Variants in TNFAIP8L1 observed in about 807,000 individuals in gnomAD.
TNFAIP8L1 encodes the protein tumor necrosis factor alpha-induced protein 8-like protein 1.
For missense variants in TNFAIP8L1, 225 were observed against 266.1 expected (o/e 0.85, Z 1.08); for synonymous variants, 127 against 125.6 (o/e 1.01, Z -0.08).
rs531509346 is a variant in TNFAIP8L1 at position 4,643,060 on chromosome 19, CCT to C, written c.-4+3432_-4+3433del. Among the ~76,000 whole-genome samples, 59 of 152,038 alleles carry C rather than the reference CCT, an allele frequency of 3.9e-4. No homozygotes were observed. In the South Asian group the frequency reaches 8.7e-3, roughly 22 times the overall value. On this transcript the variant is annotated intron_variant, in intron 1 of 1. Transcript: ENST00000327473. ...TTGGGAGGCTGAGGCAAGTGGATCA[CCT>C]GAGGTCAGGAGTTGGAGACCAGCCT... is the stretch of plus-strand genomic sequence containing the variant.
Position 4,644,776 on chromosome 19 carries a change from T to C in TNFAIP8L1, c.-4+5147T>C, listed in dbSNP as rs188955723. On this transcript the variant is annotated intron_variant, in intron 1 of 1. Coordinates refer to ENST00000327473, the MANE Select transcript of TNFAIP8L1 (RefSeq NM_152362.3). ...GTGCCACACACGGCTAATTTTTGTA[T>C]TTTTAGTAGAGATGGGGTTTCACCA... Among the ~76,000 whole-genome samples the C allele has an allele frequency of 4.3e-3, 657 of 152,080 alleles. 1 individual carries two copies. Among genetic ancestry groups the C allele is most frequent in the Non-Finnish European group, 7.5e-3 (508 of 67,990 alleles).
rs563191778 is a variant in TNFAIP8L1, at chr19:4,645,968, A to T, written c.-3-5899A>T. 2.7e-4 allele frequency among the ~76,000 whole-genome samples: 41 copies of T among 152,070 alleles called. No homozygotes were observed. The highest frequency in any genetic ancestry group is 2.1e-3 in the Admixed American group (32 of 15,294). ...TGCACAGGCTGTGCCCTTTGCCTGG[A>T]GCATCTTCCCGCAGACCCTGTCATT... is the stretch of plus-strand genomic sequence containing the variant. On this transcript the variant is annotated intron_variant, in intron 1 of 1. Coordinates refer to ENST00000327473, the MANE Select transcript of TNFAIP8L1 (RefSeq NM_152362.3). This position sits in a 1 kb window ranked among gnomAD's most constrained non-coding sequence, Gnocchi z 4.1.
At chr19:4,651,525 C>T (rs1372765970) in intron 1 of TNFAIP8L1, among the ~76,000 whole-genome samples, 1 of 151,806 alleles carries the variant, frequency 6.6e-6, no homozygotes, top group Admixed American at 6.6e-5. Flanking sequence ...CAACCTCCGC[C>T]TCCCGGGCTC....
chr19:4,650,072 T>A (rs1297389825), intron 1 of TNFAIP8L1, among the ~76,000 whole-genome samples: 3 of 152,074 alleles, frequency 2.0e-5, no homozygotes, highest in Non-Finnish European at 2.9e-5. Flanking sequence ...TCTTCCACAC[T>A]CCCCTCTTCA....
intron 1 of TNFAIP8L1, among the ~76,000 whole-genome samples, chr19:4,651,242 A>G (rs1242831855): frequency 6.6e-6 from 1 of 152,020 alleles, no homozygotes; most frequent in Non-Finnish European, 1.5e-5. Flanking sequence ...CAAGGATATG[A>G]TGGGTTTGAG....
rs1365689628 is a variant in TNFAIP8L1, at chr19:4,652,023, A to T, written c.154A>T (p.Ser52Cys). The T allele has an allele frequency of 6.2e-7, 1 of 1,613,934 alleles. No homozygotes were observed. The highest frequency in any genetic ancestry group is 8.5e-7 in the Non-Finnish European group (1 of 1,179,974). ...LYRATREFTRSRKEAQKMLKN... is the reference protein window; with the variant it reads ...LYRATREFTRCRKEAQKMLKN... ...CCGCGCCACCAGGGAGTTCACGCGC[A>T]GCCGCAAGGAGGCCCAGAAGATGCT... The change falls in exon 2 of 2, where the codon AGC (serine) becomes TGC (cysteine). Residue 52 changes from serine to cysteine, a missense_variant. Ser to Cys is a moderately radical substitution (Grantham distance 112). Coordinates refer to ENST00000327473, the MANE Select transcript of TNFAIP8L1 (RefSeq NM_152362.3).
rs527556915 is a variant in TNFAIP8L1, at chr19:4,641,413, G to C, written c.-4+1784G>C. Reference sequence around the variant, plus strand: ...CTCAGGTGTTACAGACGGGGAGCAGGGCAAGGAGGCAGAGCGAGAGGCAGG... The same window carrying C: ...CTCAGGTGTTACAGACGGGGAGCAGCGCAAGGAGGCAGAGCGAGAGGCAGG... On this transcript the variant is annotated intron_variant, in intron 1 of 1. Coordinates refer to ENST00000327473, the MANE Select transcript of TNFAIP8L1 (RefSeq NM_152362.3). This position sits in a 1 kb window ranked among gnomAD's most constrained non-coding sequence, Gnocchi z 4.6. 2 of 152,258 alleles carry C rather than the reference G, an allele frequency of 1.3e-5. No individual in the cohort carries two copies. The highest frequency in any genetic ancestry group is 1.3e-4 in the Admixed American group (2 of 15,266). The allele number at this position is 152,258 out of a possible 1,614,324, so 9.4% of individuals were successfully genotyped here. A position where few individuals can be genotyped will look rare whatever the true frequency, so the allele number is the denominator to read the frequency against.
At chr19:4,644,606 T>A (rs990490296) in intron 1 of TNFAIP8L1, among the ~76,000 whole-genome samples, 8 of 61,448 alleles carry the variant, frequency 1.3e-4, no homozygotes, top group African/African-American at 7.6e-4. Flanking sequence ...GAGTCATGGA[T>A]TTTTTTTTTT....
In TNFAIP8L1 at chr19:4,654,654, A is replaced by C. The variant is rs2088406410; in HGVS notation, c.*2224A>C. 1 of 152,250 alleles carries C rather than the reference A, an allele frequency of 6.6e-6. No homozygotes were observed. The highest frequency in any genetic ancestry group is 1.5e-5 in the Non-Finnish European group (1 of 68,044). 9.4% of individuals were successfully genotyped at this position (152,250 alleles called of 1,614,324 possible). On this transcript the variant is annotated 3_prime_UTR_variant, in exon 2 of 2. Coordinates refer to ENST00000327473, the MANE Select transcript of TNFAIP8L1 (RefSeq NM_152362.3). ...TTCATATTTGGAGAATCAGCAACCAACCAGCCAACCATGTTGCTTTTATAA... is the reference window on the plus strand; with the variant it reads ...TTCATATTTGGAGAATCAGCAACCACCCAGCCAACCATGTTGCTTTTATAA...
chr19:4,652,569 G>A lies in TNFAIP8L1; in HGVS notation c.*139G>A. The A allele has an allele frequency of 1.2e-6, 1 of 833,894 alleles. No homozygotes were observed. Among genetic ancestry groups the A allele is most frequent in the Admixed American group, 3.2e-5 (1 of 31,150 alleles). The allele number at this position is 833,894 out of a possible 1,614,324, so 51.7% of individuals were successfully genotyped here. On this transcript the variant is annotated 3_prime_UTR_variant, in exon 2 of 2. Coordinates refer to ENST00000327473, the MANE Select transcript of TNFAIP8L1 (RefSeq NM_152362.3). ...ACTCCCCTAGACAGATGGGTGACCT[G>A]TCTCCTTTGAGAGGATGCTGAGGCA...
In TNFAIP8L1 at chr19:4,652,234, A is replaced by G. The variant is rs1362913447; in HGVS notation, c.365A>G (p.Glu122Gly). The change falls in exon 2 of 2, where the codon GAG becomes GGG. Residue 122 changes from glutamate (E) to glycine (G), a missense_variant. Glu to Gly is a moderately conservative substitution (Grantham distance 98). Transcript: ENST00000327473. ...DRRVLAAGLL[E>G]CRDLLHQAVG... ...CGCGTGCTGGCCGCCGGGCTGCTCG[A>G]GTGCCGCGACCTGCTGCACCAGGCC... The G allele has an allele frequency of 1.3e-6, 2 of 1,549,322 alleles. No homozygotes were observed. The highest frequency in any genetic ancestry group is 1.4e-5 in the African/African-American group (1 of 73,172).
At chr19:4,647,417 T>C (rs1050291465) in intron 1 of TNFAIP8L1, among the ~76,000 whole-genome samples, 2 of 152,050 alleles carry the variant, frequency 1.3e-5, no homozygotes, top group African/African-American at 4.8e-5. Flanking sequence ...CAAATGATCC[T>C]CCTGCCTCAG....
At chr19:4,644,310 C>T (rs948155438) in intron 1 of TNFAIP8L1, among the ~76,000 whole-genome samples, 2 of 150,660 alleles carry the variant, frequency 1.3e-5, no homozygotes, top group South Asian at 2.1e-4. Flanking sequence ...GAGGTCAAGG[C>T]GGGAGGATCA....
In TNFAIP8L1 at chr19:4,652,121, GGC is replaced by G; in HGVS notation, c.255_256del (p.Leu86AlafsTer151). 6.3e-7 allele frequency: 1 copy of G among 1,584,306 alleles called. No homozygotes were observed. Among genetic ancestry groups the G allele is most frequent in the Non-Finnish European group, 8.6e-7 (1 of 1,165,724 alleles). ...GGGACCAGCTGGGCGGTGAGGAGCT[GGC>G]GCTGCTGCGGCGCTTCCGCCACCGG... ...RGDQLGGEEL[A>X]LLRRFRHRAR... On this transcript the variant is annotated frameshift_variant, in exon 2 of 2. Transcript: ENST00000327473. LOFTEE classifies it low-confidence loss of function (END_TRUNC).
chr19:4,652,301 C>T lies in TNFAIP8L1; in HGVS notation c.432C>T (p.Asn144=). The part of the protein sequence containing the change: ...HLTAKSHGRI[N]HVFGHLADCD... ...CCGCCAAGTCCCACGGCCGCATCAA[C>T]CACGTGTTCGGCCACCTAGCCGACT... is the stretch of plus-strand genomic sequence containing the variant. The change falls in exon 2 of 2, where the codon AAC becomes AAT. Residue 144 remains asparagine (N), a synonymous_variant. Transcript: ENST00000327473. The T allele has an allele frequency of 6.4e-7, 1 of 1,564,674 alleles. No individual in the cohort carries two copies. Among genetic ancestry groups the T allele is most frequent in the South Asian group, 1.2e-5 (1 of 85,920 alleles).
At chr19:4,639,868 C>G (rs1205101902) in intron 1 of TNFAIP8L1, 1 of 153,496 alleles carries the variant, frequency 6.5e-6, no homozygotes, top group African/African-American at 2.4e-5. Flanking sequence ...CCCCCATCCC[C>G]CATGTGGACT....
intron 1 of TNFAIP8L1, among the ~76,000 whole-genome samples, chr19:4,647,917 C>T (rs927661342): frequency 3.9e-5 from 6 of 152,088 alleles, no homozygotes; most frequent in African/African-American, 1.4e-4. Context: ...TGTGAGCCAC[C>T]TTGCCTGGCC....
intron 1 of TNFAIP8L1, among the ~76,000 whole-genome samples, chr19:4,646,836 T>C (rs1027563071): frequency 5.3e-5 from 8 of 152,196 alleles, no homozygotes; most frequent in Non-Finnish European, 8.8e-5. Flanking sequence ...TTCACCGTGT[T>C]AGCCAGGATG....
At chr19:4,642,974 G>A (rs751422591) in intron 1 of TNFAIP8L1, among the ~76,000 whole-genome samples, 1 of 151,870 alleles carries the variant, frequency 6.6e-6, no homozygotes, top group Non-Finnish European at 1.5e-5. Flanking sequence ...TGGAGGCTGT[G>A]GGGGAGATAA....
Sources: gnomAD v4.1 joint callset for allele counts (sites outside exome capture counted in the v4.1 genomes callset) on GRCh38, gnomAD v4.1.1 for gene constraint, Gnocchi (gnomAD v3.1) non-coding constraint, MANE v1.5 for transcripts, NCBI Gene and HGNC (gene_info 2026-07-23, HGNC 2026-07-21) for gene names.